The following RPH3AL variants were observed in gnomAD, a reference collection of about 807,000 sequenced individuals.
The protein encoded by RPH3AL is rabphilin 3A like (without C2 domains).
Under a neutral mutation model 43.1 loss-of-function variants are expected in RPH3AL, and 38 were observed. That is an observed-to-expected ratio of 0.88 (90% confidence interval 0.68 to 1.15). The LOEUF (loss-of-function observed/expected upper bound fraction) is 1.15, where lower values mean the gene tolerates loss of function less well. RPH3AL is among the 50% of genes most tolerant of loss of function. RPH3AL has a pLI of 0.00. For synonymous variants in RPH3AL, 189 were observed against 176.3 expected (o/e 1.07, Z -0.57); for missense variants, 462 against 423.2 (o/e 1.09, Z -0.81).
rs375690007 is a variant in RPH3AL at position 321,259 on chromosome 17, G to A, written c.221+13C>T. On this transcript the variant is annotated intron_variant, in intron 4 of 9. Transcript: ENST00000331302. ...GCTGTCCTCCCACTGAGCTGGCCCC[G>A]GCCCCGCCTCACCCGATTCTCTGCT... The A allele has an allele frequency of 6.4e-5, 103 of 1,602,264 alleles. No individual in the cohort carries two copies. Among genetic ancestry groups the A allele is most frequent in the African/African-American group, 5.1e-4 (38 of 74,902 alleles).
At chr17:222,519 CTCT>C in intron 7 of RPH3AL, among the ~76,000 whole-genome samples, 1 of 152,196 alleles carries the variant, frequency 6.6e-6, no homozygotes, top group Non-Finnish European at 1.5e-5. Context: ...GGGAGAAACT[CTCT>C]TTTCTGGACT....
At chr17:240,920 T>TG (rs1900078872) in intron 7 of RPH3AL, among the ~76,000 whole-genome samples, 1 of 151,814 alleles carries the variant, frequency 6.6e-6, no homozygotes, top group Non-Finnish European at 1.5e-5. Flanking sequence ...GAGCTCGGCG[T>TG]GTAGCGGGCG....
chr17:214,583 T>C (rs755629928), intron 9 of RPH3AL: 4 of 152,252 alleles, frequency 2.6e-5, no homozygotes, highest in Non-Finnish European at 5.9e-5. Context: ...CTGGGCAACA[T>C]AGGGAGACCC....
At chr17:324,733 A>ATCTATCTATCTATCTATCTATC (rs1567524496) in intron 3 of RPH3AL, among the ~76,000 whole-genome samples, 1 of 150,804 alleles carries the variant, frequency 6.6e-6, no homozygotes, top group Non-Finnish European at 1.5e-5. Flanking sequence ...CTATCTATCT[A>ATCTATCTATCTATCTATCTATC]TGTCTATTTT....
At chr17:258,767 T>C (rs1478326858) in intron 6 of RPH3AL, among the ~76,000 whole-genome samples, 1 of 150,108 alleles carries the variant, frequency 6.7e-6, no homozygotes, top group South Asian at 2.1e-4. Context: ...GTTTTTTTTT[T>C]TTTTTTTTTT....
At chr17:252,892 T>C (rs2041942790) in intron 6 of RPH3AL, among the ~76,000 whole-genome samples, 1 of 152,144 alleles carries the variant, frequency 6.6e-6, no homozygotes, top group African/African-American at 2.4e-5. Flanking sequence ...CAGCTTTGGG[T>C]TTTCTGATGA....
chr17:231,186 C>A (rs1385931375), intron 7 of RPH3AL, among the ~76,000 whole-genome samples: 1 of 152,224 alleles, frequency 6.6e-6, no homozygotes, highest in Admixed American at 6.5e-5. Flanking sequence ...CCCCAGGTCT[C>A]TCTGTCACAT....
At position 273,452 on chromosome 17, in the gene RPH3AL, A is replaced by G. The variant is rs868513799; in HGVS notation, c.438+8316T>C. Among the ~76,000 whole-genome samples, 5 of 77,126 alleles carry G rather than the reference A, an allele frequency of 6.5e-5. 1 individual carries two copies. The highest frequency in any genetic ancestry group is 1.3e-4 in the African/African-American group (3 of 23,412). 50.6% of individuals were successfully genotyped at this position (77,126 alleles called of 152,430 possible). A position where few individuals can be genotyped will look rare whatever the true frequency, so the allele number is the denominator to read the frequency against. ...GAGGGCGACGTCAGGAAGAGACCCC[A>G]GCGAGGGCGACGTCAGGGAGAGACC... On this transcript the variant is annotated intron_variant, in intron 6 of 9. Transcript: ENST00000331302.
In RPH3AL at chr17:285,328, C is replaced by T. The variant is rs140372835; in HGVS notation, c.352-3474G>A. On this transcript the variant is annotated intron_variant, in intron 5 of 9. Transcript: ENST00000331302. ...GGGATGGCAGACCTGGGTGGGCTCC[C>T]GGGCAAGTCACCCAAAGCCTCTCTA... Among the ~76,000 whole-genome samples the T allele has an allele frequency of 3.8e-3, 574 of 152,230 alleles. 7 individuals carry two copies. The highest frequency in any genetic ancestry group is 0.013 in the African/African-American group (542 of 41,552).
At chr17:237,916 G>C (rs1040577197) in intron 7 of RPH3AL, among the ~76,000 whole-genome samples, 16 of 152,182 alleles carry the variant, frequency 1.1e-4, no homozygotes, top group African/African-American at 3.9e-4. Flanking sequence ...GGGAGGCTGA[G>C]CCAGACAGAT....
At chr17:297,652 G>T (rs912214269) in intron 5 of RPH3AL, among the ~76,000 whole-genome samples, 1 of 152,212 alleles carries the variant, frequency 6.6e-6, no homozygotes, top group Non-Finnish European at 1.5e-5. Context: ...ACTTTGCTTG[G>T]TGTTTTCCTC....
intron 1 of RPH3AL, among the ~76,000 whole-genome samples, chr17:334,384 C>T (rs958179926): frequency 1.8e-4 from 27 of 152,268 alleles, no homozygotes; most frequent in Admixed American, 1.2e-3. Flanking sequence ...CAAACACCCA[C>T]GGAGTCTCTA....
intron 1 of RPH3AL, among the ~76,000 whole-genome samples, chr17:341,759 G>A (rs1174160871): frequency 2.6e-5 from 4 of 152,012 alleles, no homozygotes; most frequent in Non-Finnish European, 5.9e-5. Context: ...TGCTGTTTAG[G>A]TTCATCTCAA....
Position 306,831 on chromosome 17 carries a change from C to G in RPH3AL, c.351+12589G>C, listed in dbSNP as rs113657179. 548 of 154,992 alleles carry G rather than the reference C, an allele frequency of 3.5e-3. 2 individuals are homozygous for G. Among genetic ancestry groups the G allele is most frequent in the African/African-American group, 0.012 (508 of 41,526 alleles). The allele number at this position is 154,992 out of a possible 1,614,324, so 9.6% of individuals were successfully genotyped here. ...CCCTCAGGGCCTCTTTTCCTCCCCC[C>G]TCTGACCTCCTCTTCTTCCCTTTTC... On this transcript the variant is annotated intron_variant, in intron 5 of 9. Coordinates refer to ENST00000331302, the MANE Select transcript of RPH3AL (RefSeq NM_006987.4).
At chr17:335,388 G>A (rs1485416036) in intron 1 of RPH3AL, among the ~76,000 whole-genome samples, 2 of 152,074 alleles carry the variant, frequency 1.3e-5, no homozygotes, top group Non-Finnish European at 2.9e-5. Context: ...CACAGAGAGA[G>A]GGCTCAAGTG....
chr17:311,840 A>G (rs994937969), intron 5 of RPH3AL, among the ~76,000 whole-genome samples: 5 of 152,122 alleles, frequency 3.3e-5, no homozygotes, highest in African/African-American at 7.2e-5. Flanking sequence ...AAGAATTCCA[A>G]CGAGGAGAAT....
chr17:233,066 C>T (rs939773135), intron 7 of RPH3AL, among the ~76,000 whole-genome samples: 1 of 151,722 alleles, frequency 6.6e-6, no homozygotes, highest in African/African-American at 2.4e-5. Flanking sequence ...ACTTAGTGAG[C>T]GCTTATCAAA....
chr17:267,207 C>A (rs1280541588), intron 6 of RPH3AL, among the ~76,000 whole-genome samples: 1 of 152,252 alleles, frequency 6.6e-6, no homozygotes, highest in African/African-American at 2.4e-5. Flanking sequence ...ATCTGCTGCT[C>A]TTAATGACTT....
intron 5 of RPH3AL, among the ~76,000 whole-genome samples, chr17:298,426 G>A (rs1900559931): frequency 6.6e-6 from 1 of 152,184 alleles, no homozygotes; most frequent in Non-Finnish European, 1.5e-5. Flanking sequence ...GCTGGGCACG[G>A]TGGCTCACCC....
Sources: allele counts gnomAD v4.1 joint callset (sites outside exome capture counted in the v4.1 genomes callset), GRCh38; gene constraint gnomAD v4.1.1; transcripts MANE v1.5; gene names NCBI Gene and HGNC (gene_info 2026-07-23, HGNC 2026-07-21).